The following DCAF8L2 variants were observed in gnomAD, a reference collection of about 807,000 sequenced individuals.
The protein encoded by DCAF8L2 is DDB1 and CUL4 associated factor 8 like 2.
For synonymous variants in DCAF8L2, 200 were observed against 190.9 expected, an observed-to-expected ratio of 1.05 and a Z score of -0.39; for missense variants, 430 against 490.7, an observed-to-expected ratio of 0.88 and a Z score of 1.17.
chrX:27,617,224 C>T (rs1419792017), intron 1 of DCAF8L2, among the ~76,000 whole-genome samples: 1 of 110,965 alleles, frequency 9.0e-6, no homozygotes, highest in East Asian at 2.8e-4. Context: ...ATAGATTTGC[C>T]CTGACCTTCA....
chrX:27,624,429 C>G (rs908663463), intron 1 of DCAF8L2, among the ~76,000 whole-genome samples: 22 of 110,326 alleles, frequency 2.0e-4, no homozygotes, highest in Non-Finnish European at 4.0e-4. Flanking sequence ...AATGGCCATA[C>G]CGCCCAAAGC....
At chrX:27,481,601 C>T in the DCAF8L2 span, among the ~76,000 whole-genome samples, 1 of 110,219 alleles carries the variant, frequency 9.1e-6, no homozygotes, top group African/African-American at 3.3e-5. Context: ...CTAGTTTGGG[C>T]AATGTTGGGT....
rs776709673 is a variant in DCAF8L2 at position 27,684,846 on chromosome X, C to G, written c.-143+6934C>G. 4.5e-5 allele frequency among the ~76,000 whole-genome samples: 5 copies of G among 111,733 alleles called. No individual in the cohort carries two copies. The South Asian group carries it at 1.9e-3, about 42-fold the overall frequency. On this transcript the variant is annotated intron_variant, in intron 3 of 4. Coordinates refer to ENST00000451261, the MANE Select transcript of DCAF8L2 (RefSeq NM_001353450.2). ...TTTTTAGCATTTTAGTGACCCAATGCTCACTCACTCATGATATTACTGATC... is the reference window on the plus strand; with the variant it reads ...TTTTTAGCATTTTAGTGACCCAATGGTCACTCACTCATGATATTACTGATC...
intron 1 of DCAF8L2, among the ~76,000 whole-genome samples, chrX:27,602,026 C>T (rs1926667412): frequency 9.0e-6 from 1 of 111,596 alleles, no homozygotes; most frequent in South Asian, 3.8e-4. Context: ...GACCAGATAC[C>T]AGAAGAGAAA....
intron 2 of DCAF8L2, among the ~76,000 whole-genome samples, chrX:27,672,600 GA>G (rs1458703482): frequency 8.9e-6 from 1 of 111,859 alleles, no homozygotes; most frequent in East Asian, 2.8e-4. Flanking sequence ...GCCTAAGAAG[GA>G]TAAATGGATT....
chrX:27,521,759 G>T, the DCAF8L2 span, among the ~76,000 whole-genome samples: 1 of 111,463 alleles, frequency 9.0e-6, no homozygotes, highest in African/African-American at 3.3e-5. Context: ...CCTCTAAAAA[G>T]AGTAAAACTT....
chrX:27,596,254 G>A (rs1339612513), intron 1 of DCAF8L2, among the ~76,000 whole-genome samples: 6 of 111,641 alleles, frequency 5.4e-5, no homozygotes, highest in Admixed American at 9.5e-5. Flanking sequence ...TTAGGATTCC[G>A]TATTTTCATT....
At chrX:27,699,703 T>C (rs1931058734) in intron 3 of DCAF8L2, among the ~76,000 whole-genome samples, 2 of 110,971 alleles carry the variant, frequency 1.8e-5, no homozygotes, top group African/African-American at 3.3e-5. Flanking sequence ...CTGAGACCAC[T>C]GGGAAATAAA....
the DCAF8L2 span, among the ~76,000 whole-genome samples, chrX:27,516,155 A>G: frequency 7.2e-3 from 809 of 111,601 alleles, 9 homozygotes; most frequent in African/African-American, 0.024. Context: ...CCACAGAGTA[A>G]ACAAGGCTTT....
At chrX:27,554,031 T>C in the DCAF8L2 span, among the ~76,000 whole-genome samples, 1 of 111,901 alleles carries the variant, frequency 8.9e-6, no homozygotes, top group African/African-American at 3.2e-5. Context: ...CTAGGGGCCA[T>C]TGTTACACTA....
At chrX:27,518,910 C>CA in the DCAF8L2 span, 3 of 562,346 alleles carry the variant, frequency 5.3e-6, no homozygotes, top group Non-Finnish European at 9.5e-6. Context: ...CATTTAATGA[C>CA]AAAAAAATTG....
the DCAF8L2 span, among the ~76,000 whole-genome samples, chrX:27,485,945 T>TTTA: frequency 4.0e-4 from 38 of 93,919 alleles, 2 homozygotes; most frequent in African/African-American, 1.0e-3. Flanking sequence ...TTTTTTTTTT[T>TTTA]GTGGTAGAAA....
chrX:27,573,283 C>G, the DCAF8L2 span, among the ~76,000 whole-genome samples: 3 of 108,267 alleles, frequency 2.8e-5, no homozygotes, highest in East Asian at 8.8e-4. Context: ...CACACACACA[C>G]GGAGAGAGAC....
At chrX:27,629,593 A>C (rs181369044) in intron 1 of DCAF8L2, among the ~76,000 whole-genome samples, 1 of 109,065 alleles carries the variant, frequency 9.2e-6, no homozygotes, top group Admixed American at 9.9e-5. Context: ...ATTGTGCATT[A>C]TTGGCACCCT....
chrX:27,567,545 G>GAATATA, the DCAF8L2 span, among the ~76,000 whole-genome samples: 1 of 11,626 alleles, frequency 8.6e-5, no homozygotes, highest in Non-Finnish European at 1.6e-4. Context: ...CACCACTGTA[G>GAATATA]CATATATATA....
At chrX:27,740,887 A>T (rs1703674063) in intron 4 of DCAF8L2, among the ~76,000 whole-genome samples, 1 of 111,795 alleles carries the variant, frequency 8.9e-6, no homozygotes. Flanking sequence ...CTATCTATAT[A>T]TTAATTTGTC....
intron 3 of DCAF8L2, among the ~76,000 whole-genome samples, chrX:27,702,707 A>G (rs1202952168): frequency 9.0e-6 from 1 of 111,231 alleles, no homozygotes; most frequent in African/African-American, 3.3e-5. Flanking sequence ...AACTGCTTCA[A>G]ATTAATAAAA....
At position 27,647,658 on chromosome X, in the gene DCAF8L2, G is replaced by A. The variant is rs1216817118; in HGVS notation, c.-220+15658G>A. Among the ~76,000 whole-genome samples, 5 of 111,348 alleles carry A rather than the reference G, an allele frequency of 4.5e-5. No individual in the cohort carries two copies. The Admixed American group carries it at 4.8e-4, about 11-fold the overall frequency. On this transcript the variant is annotated intron_variant, in intron 2 of 4. Coordinates refer to ENST00000451261, the MANE Select transcript of DCAF8L2 (RefSeq NM_001353450.2). ...CACCTTTACAGCTGGGAATGGAGAAGGAGATAAGTCCTTAGCTCTCAGAAA... is the reference window on the plus strand; with the variant it reads ...CACCTTTACAGCTGGGAATGGAGAAAGAGATAAGTCCTTAGCTCTCAGAAA...
chrX:27,528,630 A>G, the DCAF8L2 span, among the ~76,000 whole-genome samples: 1 of 109,835 alleles, frequency 9.1e-6, no homozygotes, highest in Non-Finnish European at 1.9e-5. Context: ...ATAATAAGTT[A>G]GCACCCCAGT....
Sources: allele counts gnomAD v4.1 joint callset (sites outside exome capture counted in the v4.1 genomes callset), GRCh38; gene constraint gnomAD v4.1.1; transcripts MANE v1.5; gene names NCBI Gene and HGNC (gene_info 2026-07-23, HGNC 2026-07-21).